Variants in LRRC39 observed in about 807,000 individuals in gnomAD.
LRRC39 encodes the protein leucine rich repeat containing 39.
Under a neutral mutation model 39.7 loss-of-function variants are expected in LRRC39, and 35 were observed. That is an observed-to-expected ratio of 0.88 (90% CI 0.67 to 1.17). The LOEUF (loss-of-function observed/expected upper bound fraction) is 1.17. LRRC39 is among the 50% of genes most tolerant of loss of function. The pLI is 0.00. For missense variants in LRRC39, 357 were observed against 385.8 expected (o/e 0.93, Z 0.62); for synonymous variants, 113 against 134.1 (o/e 0.84, Z 1.09).
At chr1:100,165,444 C>T (rs1659175317) in intron 3 of LRRC39, among the ~76,000 whole-genome samples, 1 of 152,140 alleles carries the variant, frequency 6.6e-6, no homozygotes, top group Admixed American at 6.5e-5. Flanking sequence ...TCCACATCCT[C>T]TGCTTGACCA....
At chr1:100,154,596 T>A (rs1272469703) in intron 8 of LRRC39, among the ~76,000 whole-genome samples, 1 of 152,156 alleles carries the variant, frequency 6.6e-6, no homozygotes, top group Non-Finnish European at 1.5e-5. Context: ...CATATTTTAA[T>A]AAGAAACAAA....
chr1:100,160,825 C>T (rs916713704), intron 3 of LRRC39, among the ~76,000 whole-genome samples: 6 of 152,096 alleles, frequency 3.9e-5, no homozygotes, highest in Middle Eastern at 3.4e-3. Context: ...GGGTTTTCAC[C>T]GTGTTGGCCA....
intron 1 of LRRC39, among the ~76,000 whole-genome samples, chr1:100,177,889 G>A (rs956691490): frequency 2.0e-5 from 3 of 152,200 alleles, no homozygotes; most frequent in Non-Finnish European, 2.9e-5. Context: ...TGTGACAAGT[G>A]AGGTAAGCAT....
intron 6 of LRRC39, among the ~76,000 whole-genome samples, chr1:100,157,175 A>T (rs1658519857): frequency 6.6e-6 from 1 of 152,134 alleles, no homozygotes; most frequent in Non-Finnish European, 1.5e-5. Context: ...TCCCCACCCA[A>T]ATTTCATCTT....
At chr1:100,165,869 C>T (rs1258055196) in intron 3 of LRRC39, among the ~76,000 whole-genome samples, 4 of 140,824 alleles carry the variant, frequency 2.8e-5, no homozygotes, top group Non-Finnish European at 4.6e-5. Context: ...GAGGTTTCCC[C>T]TTTCTTTTTT....
At chr1:100,152,360 T>C in intron 9 of LRRC39, 25 bp downstream of exon 9, 1 of 1,600,156 alleles carries the variant, frequency 6.2e-7, no homozygotes, top group South Asian at 1.1e-5. Flanking sequence ...AAACATTTAA[T>C]CTGTGTTATA....
intron 2 of LRRC39, among the ~76,000 whole-genome samples, chr1:100,172,303 G>T (rs1011617992): frequency 6.6e-6 from 1 of 152,292 alleles, no homozygotes. Flanking sequence ...ATTCTAGAAA[G>T]AAAAATACAG....
chr1:100,151,722 T>C (rs1658048992), intron 9 of LRRC39, among the ~76,000 whole-genome samples: 1 of 152,226 alleles, frequency 6.6e-6, no homozygotes, highest in Non-Finnish European at 1.5e-5. Context: ...CCTCAATTAA[T>C]TATCAGAGAC....
chr1:100,162,283 T>C (rs1039644634), intron 3 of LRRC39, among the ~76,000 whole-genome samples: 1 of 152,168 alleles, frequency 6.6e-6, no homozygotes, highest in African/African-American at 2.4e-5. Flanking sequence ...ATCTTTGTCA[T>C]TTGAAGCACA....
chr1:100,168,448 C>G lies in LRRC39; in HGVS notation c.69G>C (p.Lys23Asn). 2 of 1,612,304 alleles carry G rather than the reference C, an allele frequency of 1.2e-6. No homozygotes were observed. Among genetic ancestry groups the G allele is most frequent in the South Asian group, 1.1e-5 (1 of 90,720 alleles). ...CTCGCTTCAGGTCTTCATTGAGTTT[C>G]TTTATTCTTTTTTCCCAAACTTCCT... ...AVKEVWEKRI[K>N]KLNEDLKREK... The change falls in exon 3 of 10, where the codon AAG becomes AAC. Residue 23 changes from lysine (K) to asparagine (N), a missense_variant. Physicochemically the swap from Lys to Asn is moderately conservative, Grantham distance 94. Coordinates refer to ENST00000370137, the MANE Select transcript of LRRC39 (RefSeq NM_144620.4).
Position 100,149,058 on chromosome 1 carries a change from A to G in LRRC39, c.992T>C (p.Ile331Thr). Residue 331 changes from isoleucine to threonine, a missense_variant, in exon 10 of 10, where the codon ATA becomes ACA. Physicochemically the swap from Ile to Thr is moderately conservative, Grantham distance 89. Transcript: ENST00000370137. ...VNGSTTLPIS[I>T]NTDG ...TGAATTATATTATCCATCCGTATTTATGGAGATTGGTAAAGTAGTTGAACC... is the reference window on the plus strand; with the variant it reads ...TGAATTATATTATCCATCCGTATTTGTGGAGATTGGTAAAGTAGTTGAACC... 6.2e-7 allele frequency: 1 copy of G among 1,600,134 alleles called. No homozygotes were observed. The highest frequency in any genetic ancestry group is 8.5e-7 in the Non-Finnish European group (1 of 1,175,066).
intron 2 of LRRC39, among the ~76,000 whole-genome samples, chr1:100,172,053 C>T (rs1021912820): frequency 5.3e-5 from 8 of 151,984 alleles, no homozygotes; most frequent in Admixed American, 4.6e-4. Context: ...TATAGATAAA[C>T]ACACACATGT....
At chr1:100,168,851 C>A (rs994383078) in intron 2 of LRRC39, among the ~76,000 whole-genome samples, 6 of 151,770 alleles carry the variant, frequency 4.0e-5, no homozygotes, top group African/African-American at 1.5e-4. Flanking sequence ...TATATGATTC[C>A]TTTGTTACTG....
chr1:100,149,513 C>T, intron 9 of LRRC39: 1 of 1,333,040 alleles, frequency 7.5e-7, no homozygotes, highest in Non-Finnish European at 1.0e-6. Flanking sequence ...CAAAAAGATA[C>T]TTACAAACAT....
At position 100,158,284 on chromosome 1, in the gene LRRC39, A is replaced by C. The variant is rs148373673; in HGVS notation, c.460T>G (p.Leu154Val). Reference protein sequence around the residue: ...VPKELSNCASLEKLELAVNRD... With the variant: ...VPKELSNCASVEKLELAVNRD... ...TTAACAGCCAGTTCTAGTTTCTCCA[A>C]GCTGGCACAATTACTTAGTTCCTTG... Residue 154 changes from leucine to valine, a missense_variant, in exon 6 of 10, where the codon TTG (leucine) becomes GTG (valine). Transcript: ENST00000370137. The C allele has an allele frequency of 9.9e-6, 16 of 1,614,082 alleles. No individual in the cohort carries two copies. The highest frequency in any genetic ancestry group is 1.3e-5 in the Non-Finnish European group (15 of 1,179,982).
At chr1:100,154,862 C>G (rs1658340983) in intron 8 of LRRC39, among the ~76,000 whole-genome samples, 189 bp downstream of exon 8, 1 of 152,168 alleles carries the variant, frequency 6.6e-6, no homozygotes, top group South Asian at 2.1e-4. Flanking sequence ...AGGATTCTTT[C>G]TTGAATAGAC....
intron 1 of LRRC39, among the ~76,000 whole-genome samples, chr1:100,174,462 T>C (rs993977250): frequency 6.6e-6 from 1 of 151,730 alleles, no homozygotes; most frequent in Non-Finnish European, 1.5e-5. Flanking sequence ...CACACCTGGC[T>C]AATTTATGTA....
Position 100,148,968 on chromosome 1 carries a change from CT to C in LRRC39, c.*73del. 1.5e-6 allele frequency: 2 copies of C among 1,356,026 alleles called. No homozygotes were observed. The highest frequency in any genetic ancestry group is 2.6e-5 in the East Asian group (1 of 38,750). The allele number at this position is 1,356,026 out of a possible 1,614,324, so 84.0% of individuals were successfully genotyped here. On this transcript the variant is annotated 3_prime_UTR_variant, in exon 10 of 10. Coordinates refer to ENST00000370137, the MANE Select transcript of LRRC39 (RefSeq NM_144620.4). ...TCATTAAACTTTGGTAATAGCTTTT[CT>C]TTTTACTTCAGAAATCCAAACATTA...
At chr1:100,152,608 A>T in intron 8 of LRRC39, 84 bp from the exon 9 acceptor site, 1 of 1,402,886 alleles carries the variant, frequency 7.1e-7, no homozygotes, top group Non-Finnish European at 9.7e-7. Flanking sequence ...AAATGATAAT[A>T]TACTAAATTA....
Sources: gnomAD v4.1 joint callset for allele counts (sites outside exome capture counted in the v4.1 genomes callset) on GRCh38, gnomAD v4.1.1 for gene constraint, MANE v1.5 for transcripts, NCBI Gene and HGNC (gene_info 2026-07-23, HGNC 2026-07-21) for gene names.